DST: variants seen among roughly 807,000 people sequenced by gnomAD.
DST encodes dystonin, also known as bullous pemphigoid antigen.
A neutral mutation model predicts 875.2 loss-of-function variants in DST; 253 were observed. The observed-to-expected ratio is 0.29, with a 90% confidence interval of 0.26 to 0.32. The LOEUF (loss-of-function observed/expected upper bound fraction) is 0.32. DST is among the 10% of genes least tolerant of loss of function. The pLI, the probability that DST is intolerant of heterozygous loss-of-function variation, is 1.00. For missense variants in DST, 8,287 were observed against 9,111.6 expected (o/e 0.91, Z 3.68); for synonymous variants, 3,124 against 3,197.1 (o/e 0.98, Z 0.77).
intron 60 of DST, among the ~76,000 whole-genome samples, chr6:56,554,374 G>A (rs2097371257): frequency 6.6e-6 from 1 of 152,022 alleles, no homozygotes; most frequent in South Asian, 2.1e-4. Context: ...GTGAGCCACC[G>A]CTCCTGGCCA....
chr6:56,486,135 G>A lies in DST; in HGVS notation c.21048-664C>T, dbSNP rs571948308. 2.0e-3 allele frequency among the ~76,000 whole-genome samples: 311 copies of A among 152,028 alleles called. 1 individual carries two copies. The highest frequency in any genetic ancestry group is 3.1e-3 in the Non-Finnish European group (213 of 67,948). ...TCCCAGCACTTTGGGAGGCCGAGGC[G>A]GGCGGATCACGAGGTCAGGAGATCG... On this transcript the variant is annotated intron_variant, in intron 87 of 103. Coordinates refer to ENST00000680361, the MANE Select transcript of DST (RefSeq NM_001374736.1).
intron 9 of DST, among the ~76,000 whole-genome samples, chr6:56,677,306 C>A (rs1257019760): frequency 2.6e-5 from 4 of 152,040 alleles, no homozygotes; most frequent in Non-Finnish European, 5.9e-5. Context: ...TACTTATGTA[C>A]CATCCATCCA....
At chr6:56,526,723 T>A (rs2096805136) in intron 68 of DST, among the ~76,000 whole-genome samples, 156 bp from the exon 69 acceptor site, 1 of 152,072 alleles carries the variant, frequency 6.6e-6, no homozygotes. Flanking sequence ...AAACCTTTTT[T>A]ATCTAAAGCT....
chr6:56,864,775 A>C (rs945723763), intron 3 of DST, among the ~76,000 whole-genome samples: 2 of 152,222 alleles, frequency 1.3e-5, no homozygotes, highest in African/African-American at 4.8e-5. Context: ...CAAAAACTAG[A>C]TATCGAGTAC....
At chr6:56,538,064 C>T (rs953077902) in intron 61 of DST, among the ~76,000 whole-genome samples, 16 of 152,140 alleles carry the variant, frequency 1.1e-4, no homozygotes, top group African/African-American at 3.9e-4. Flanking sequence ...CTCACTGCAA[C>T]CTCTGTCTCC....
At chr6:56,712,504 G>A (rs1286109485) in intron 5 of DST, among the ~76,000 whole-genome samples, 1 of 152,074 alleles carries the variant, frequency 6.6e-6, no homozygotes, top group Non-Finnish European at 1.5e-5. Context: ...ATGTGTGGTT[G>A]TAATATAAAG....
chr6:56,931,970 G>C (rs1810524352), intron 2 of DST, among the ~76,000 whole-genome samples: 1 of 152,148 alleles, frequency 6.6e-6, no homozygotes, highest in African/African-American at 2.4e-5. Flanking sequence ...TGCTGGGAAG[G>C]CATGATTGGT....
intron 4 of DST, among the ~76,000 whole-genome samples, chr6:56,764,275 CA>C (rs1429801343): frequency 1.3e-5 from 2 of 152,216 alleles, no homozygotes; most frequent in Non-Finnish European, 2.9e-5. Context: ...AGCAAAGCAA[CA>C]AGCACAATCT....
At chr6:56,738,207 A>G (rs1301867064) in intron 4 of DST, among the ~76,000 whole-genome samples, 1 of 152,248 alleles carries the variant, frequency 6.6e-6, no homozygotes, top group Non-Finnish European at 1.5e-5. Flanking sequence ...ATACCTTTTC[A>G]GTGCCCCCAA....
intron 5 of DST, among the ~76,000 whole-genome samples, chr6:56,730,487 G>A (rs1345741932): frequency 6.6e-6 from 1 of 152,018 alleles, no homozygotes; most frequent in Non-Finnish European, 1.5e-5. Context: ...GTAACAACAA[G>A]TAGTTATATA....
In DST at chr6:56,607,552, C is replaced by G. The variant is rs1169884473; in HGVS notation, c.7076G>C (p.Arg2359Thr). Reference protein sequence around the residue: ...QTELADISMLRSDSENILTNY... With the variant: ...QTELADISMLTSDSENILTNY... ...TGTAAGTATGTTTTCAGAGTCACTT[C>G]TAAGCATGCTAATGTCTGCAAGTTC... The change falls in exon 40 of 104, where the codon AGA becomes ACA. Residue 2359 changes from arginine to threonine, a missense_variant. Coordinates refer to ENST00000680361, the MANE Select transcript of DST (RefSeq NM_001374736.1). 6.2e-7 allele frequency: 1 copy of G among 1,609,328 alleles called. No individual in the cohort carries two copies. The highest frequency in any genetic ancestry group is 8.5e-7 in the Non-Finnish European group (1 of 1,177,444).
rs900426572 is a variant in DST, at chr6:56,497,664, G to C, written c.20095-157C>G. On this transcript the variant is annotated intron_variant, in intron 81 of 103. Coordinates refer to ENST00000680361, the MANE Select transcript of DST (RefSeq NM_001374736.1). ...GCCTTTCTTCATCAGGAGAGCTCTA[G>C]TAGATAAGAGTATTATGCTAAGAAC... 11 of 973,570 alleles carry C rather than the reference G, an allele frequency of 1.1e-5. No individual in the cohort carries two copies. The South Asian group carries it at 1.7e-4, about 15-fold the overall frequency. The allele number at this position is 973,570 out of a possible 1,614,324, so 60.3% of individuals were successfully genotyped here.
chr6:56,801,374 G>A (rs2099746597), intron 4 of DST, among the ~76,000 whole-genome samples: 1 of 152,070 alleles, frequency 6.6e-6, no homozygotes, highest in African/African-American at 2.4e-5. Context: ...TCTGTTTGCT[G>A]TAGAATGAGG....
At chr6:56,701,169 A>C (rs1401557791) in intron 8 of DST, among the ~76,000 whole-genome samples, 1 of 150,228 alleles carries the variant, frequency 6.7e-6, no homozygotes, top group Non-Finnish European at 1.5e-5. Context: ...AAACTATTTA[A>C]AAAAAAAATT....
At chr6:56,951,998 A>C (rs1291062016) in intron 2 of DST, among the ~76,000 whole-genome samples, 1 of 152,170 alleles carries the variant, frequency 6.6e-6, no homozygotes. Context: ...CATTCAATAA[A>C]TATTTATTAA....
At chr6:56,768,359 A>G (rs2099639737) in intron 4 of DST, among the ~76,000 whole-genome samples, 1 of 152,208 alleles carries the variant, frequency 6.6e-6, no homozygotes, top group Non-Finnish European at 1.5e-5. Flanking sequence ...GACCAAAGGA[A>G]CATAACAGAG....
At position 56,604,720 on chromosome 6, in the gene DST, G is replaced by A. The variant is rs367563272; in HGVS notation, c.9908C>T (p.Ser3303Phe). 9.9e-6 allele frequency: 16 copies of A among 1,612,172 alleles called. No individual in the cohort carries two copies. The highest frequency in any genetic ancestry group is 2.7e-5 in the African/African-American group (2 of 74,690). ...ATAGTCAGTATTTAAAGTGTTACTG[G>A]AGTTATCATTTCCTAATCCATTTGC... ...RCANGLGNDNSSNTLNTDYSF... is the reference protein window; with the variant it reads ...RCANGLGNDNFSNTLNTDYSF... The change falls in exon 40 of 104, where the codon TCC becomes TTC. Residue 3303 changes from serine to phenylalanine, a missense_variant. Ser to Phe is a radical substitution (Grantham distance 155). Transcript: ENST00000680361.
Position 56,645,854 on chromosome 6 carries a change from C to A in DST, c.1778+12G>T. 1.9e-6 allele frequency: 3 copies of A among 1,611,780 alleles called. No individual in the cohort carries two copies. Among genetic ancestry groups the A allele is most frequent in the Non-Finnish European group, 2.5e-6 (3 of 1,179,194 alleles). Reference sequence around the variant, plus strand: ...CACTTGATATTCATGGCAGAAAACACCTCTGGCCTACCTTTCTACTTCTGG... The same window carrying A: ...CACTTGATATTCATGGCAGAAAACAACTCTGGCCTACCTTTCTACTTCTGG... On this transcript the variant is annotated intron_variant, in intron 15 of 103. Transcript: ENST00000680361.
intron 10 of DST, among the ~76,000 whole-genome samples, chr6:56,658,017 C>T (rs1253092472): frequency 6.6e-6 from 1 of 151,992 alleles, no homozygotes; most frequent in African/African-American, 2.4e-5. Flanking sequence ...CCACTCGCCT[C>T]GGCCCCCCCA....
Sources: allele counts gnomAD v4.1 joint callset (sites outside exome capture counted in the v4.1 genomes callset), GRCh38; gene constraint gnomAD v4.1.1; transcripts MANE v1.5; gene names NCBI Gene and HGNC (gene_info 2026-07-23, HGNC 2026-07-21).